CDC42BPA: variants seen among roughly 807,000 people sequenced by gnomAD.
The protein encoded by CDC42BPA is CDC42 binding protein kinase alpha.
In CDC42BPA, 80 loss-of-function variants were observed where a neutral mutation model predicts 223.5. The ratio of observed to expected loss-of-function variants is 0.36; its 90% confidence interval spans 0.30 to 0.43. The LOEUF (loss-of-function observed/expected upper bound fraction) is 0.43, where lower values mean the gene tolerates loss of function less well. CDC42BPA is among the 20% of genes least tolerant of loss of function. CDC42BPA has a pLI of 1.00. For missense variants in CDC42BPA, 1,743 were observed against 2,099.9 expected (o/e 0.83, Z 3.32); for synonymous variants, 694 against 718.6 (o/e 0.97, Z 0.55).
At chr1:227,184,109 G>T (rs1272297584) in intron 5 of CDC42BPA, among the ~76,000 whole-genome samples, 1 of 151,988 alleles carries the variant, frequency 6.6e-6, no homozygotes, top group African/African-American at 2.4e-5. Flanking sequence ...CCTTTGTAAG[G>T]TATGTTGACA....
At chr1:227,005,237 G>A (rs1158275559) in intron 34 of CDC42BPA, 126 bp from the exon 35 acceptor site, 2 of 688,168 alleles carry the variant, frequency 2.9e-6, no homozygotes, top group African/African-American at 1.8e-5. Context: ...ACAGAGTAAG[G>A]AATGGCAGAT....
At chr1:227,174,627 A>C (rs1433779570) in intron 5 of CDC42BPA, among the ~76,000 whole-genome samples, 11 of 152,148 alleles carry the variant, frequency 7.2e-5, no homozygotes, top group Non-Finnish European at 1.2e-4. Context: ...ATCAACATTA[A>C]AGAGATGAGG....
At chr1:227,214,810 A>G (rs1378105719) in intron 2 of CDC42BPA, among the ~76,000 whole-genome samples, 1 of 152,172 alleles carries the variant, frequency 6.6e-6, no homozygotes, top group East Asian at 1.9e-4. Flanking sequence ...GTATCTGATG[A>G]TAACTACTAA....
At chr1:227,101,581 G>A (rs1207100610) in intron 14 of CDC42BPA, among the ~76,000 whole-genome samples, 2 of 152,084 alleles carry the variant, frequency 1.3e-5, no homozygotes, top group Admixed American at 1.3e-4. Flanking sequence ...TGTATGGAGT[G>A]AGAGAAAAAT....
At chr1:227,053,287 G>A (rs903883928) in intron 21 of CDC42BPA, among the ~76,000 whole-genome samples, 3 of 152,142 alleles carry the variant, frequency 2.0e-5, no homozygotes, top group African/African-American at 4.8e-5. Context: ...AAACACTATC[G>A]TGCCCTCCAT....
intron 16 of CDC42BPA, among the ~76,000 whole-genome samples, chr1:227,081,832 T>C (rs184806078): frequency 9.6e-4 from 146 of 152,308 alleles, no homozygotes; most frequent in South Asian, 2.3e-3. Context: ...TATCCATACA[T>C]ATCACTGTAT....
chr1:227,293,351 A>C (rs1690029845), intron 1 of CDC42BPA, among the ~76,000 whole-genome samples: 1 of 152,168 alleles, frequency 6.6e-6, no homozygotes, highest in Non-Finnish European at 1.5e-5. Flanking sequence ...AGTTTCTAAA[A>C]ATTACCACAA....
Position 226,992,279 on chromosome 1 carries a change from A to G in CDC42BPA, c.*1989T>C, listed in dbSNP as rs923908713. 1.3e-5 allele frequency: 2 copies of G among 152,246 alleles called. No homozygotes were observed. The highest frequency in any genetic ancestry group is 3.8e-4 in the East Asian group (2 of 5,204). The allele number at this position is 152,246 out of a possible 1,614,324, so 9.4% of individuals were successfully genotyped here. A position where few individuals can be genotyped will look rare whatever the true frequency, so the allele number is the denominator to read the frequency against. On this transcript the variant is annotated 3_prime_UTR_variant, in exon 37 of 37. Coordinates refer to ENST00000366766, the MANE Select transcript of CDC42BPA (RefSeq NM_001394014.1). ...AAAAAGCAGAAAGATTTGGGAGATT[A>G]GAACTGTGCTGTGAATTACACCCAT...
At chr1:227,007,886 T>C (rs1402153542) in intron 34 of CDC42BPA, among the ~76,000 whole-genome samples, 2 of 152,204 alleles carry the variant, frequency 1.3e-5, no homozygotes, top group African/African-American at 4.8e-5. Context: ...ACATTTTACA[T>C]ATTTTACTAA....
chr1:227,100,777 T>TGTGTGTGTGCGCGC (rs777124731), intron 15 of CDC42BPA, among the ~76,000 whole-genome samples: 1 of 128,510 alleles, frequency 7.8e-6, no homozygotes, highest in African/African-American at 2.9e-5. Flanking sequence ...TGTGTGTGTG[T>TGTGTGTGTGCGCGC]GCGTGTGCCA....
intron 5 of CDC42BPA, among the ~76,000 whole-genome samples, chr1:227,181,670 C>G (rs1399227467): frequency 2.0e-5 from 3 of 152,044 alleles, no homozygotes; most frequent in Non-Finnish European, 2.9e-5. Flanking sequence ...GTATTTCCTC[C>G]AGTTCTATGG....
At chr1:227,076,108 T>C (rs1679410261) in intron 17 of CDC42BPA, among the ~76,000 whole-genome samples, 1 of 152,184 alleles carries the variant, frequency 6.6e-6, no homozygotes, top group African/African-American at 2.4e-5. Context: ...CTATAGAGAA[T>C]TACTGGTTTG....
At chr1:227,277,454 A>G (rs1336079863) in intron 1 of CDC42BPA, among the ~76,000 whole-genome samples, 1 of 152,228 alleles carries the variant, frequency 6.6e-6, no homozygotes, top group Admixed American at 6.5e-5. Context: ...CAGTATTACA[A>G]GACTACAGAC....
At chr1:227,180,461 A>G (rs1407941008) in intron 5 of CDC42BPA, 3 of 152,222 alleles carry the variant, frequency 2.0e-5, no homozygotes, top group Non-Finnish European at 4.4e-5. Flanking sequence ...CAATACGCCA[A>G]CCAGCAATGA....
chr1:227,168,990 T>C (rs1665636538), intron 5 of CDC42BPA, among the ~76,000 whole-genome samples: 2 of 152,192 alleles, frequency 1.3e-5, no homozygotes, highest in South Asian at 4.1e-4. Flanking sequence ...TTTTCCTCTC[T>C]GTTACCTTCA....
At chr1:227,131,575 A>G (rs1383571799) in intron 10 of CDC42BPA, among the ~76,000 whole-genome samples, 2 of 152,158 alleles carry the variant, frequency 1.3e-5, no homozygotes, top group African/African-American at 2.4e-5. Context: ...TTTTTGTCCT[A>G]GCAGGGAACA....
intron 1 of CDC42BPA, among the ~76,000 whole-genome samples, chr1:227,261,124 C>CATTTTTTTTTTTTTT (rs1683969076): frequency 8.3e-6 from 1 of 121,002 alleles, no homozygotes. Flanking sequence ...TTGAGTTTTT[C>CATTTTTTTTTTTTTT]TTTTTTTTTG....
chr1:227,101,258 A>C lies in CDC42BPA; in HGVS notation c.2002-19T>G, dbSNP rs879898184. On this transcript the variant is annotated intron_variant, in intron 14 of 36. Transcript: ENST00000366766. Reference sequence around the variant, plus strand: ...GTTTTTGCTATAGAAATAATAACAAAAGATTAGTGCATCTACAAGAATAAT... The same window carrying C: ...GTTTTTGCTATAGAAATAATAACAACAGATTAGTGCATCTACAAGAATAAT... The C allele has an allele frequency of 4.2e-6, 6 of 1,429,564 alleles. No individual in the cohort carries two copies. Among genetic ancestry groups the C allele is most frequent in the Non-Finnish European group, 4.7e-6 (5 of 1,055,186 alleles). 88.6% of individuals were successfully genotyped at this position (1,429,564 alleles called of 1,614,324 possible).
chr1:227,190,266 T>C (rs1301247412), intron 5 of CDC42BPA, among the ~76,000 whole-genome samples: 1 of 152,182 alleles, frequency 6.6e-6, no homozygotes, highest in African/African-American at 2.4e-5. Context: ...AGAACATAAA[T>C]CTGGAGACAA....
Sources: gnomAD v4.1 joint callset for allele counts (sites outside exome capture counted in the v4.1 genomes callset) on GRCh38, gnomAD v4.1.1 for gene constraint, MANE v1.5 for transcripts, NCBI Gene and HGNC (gene_info 2026-07-23, HGNC 2026-07-21) for gene names.